Variants in FAM120B observed in about 807,000 individuals in gnomAD.
The protein encoded by FAM120B is family with sequence similarity 120 member B.
In FAM120B, 83 loss-of-function variants were observed where a neutral mutation model predicts 96.3. The ratio of observed to expected loss-of-function variants is 0.86; its 90% CI spans 0.72 to 1.03. The LOEUF is 1.03. Among genes scored for constraint, FAM120B ranks in the 50% least tolerant of loss-of-function variants. The pLI is 0.00. For synonymous variants in FAM120B, 407 were observed against 402.7 expected, an observed-to-expected ratio of 1.01 and a Z score of -0.13; for missense variants, 1,027 against 1,121.2, an observed-to-expected ratio of 0.92 and a Z score of 1.20.
chr6:170,355,654 T>C (rs75077255), intron 5 of FAM120B, among the ~76,000 whole-genome samples: 5 of 152,130 alleles, frequency 3.3e-5, no homozygotes, highest in African/African-American at 7.2e-5. Context: ...ATCTGTGCAG[T>C]AACCCATCAT....
chr6:170,361,182 C>CTATATATATATACATA (rs1554286307), intron 6 of FAM120B, among the ~76,000 whole-genome samples: 4 of 75,510 alleles, frequency 5.3e-5, no homozygotes, highest in South Asian at 4.8e-4. Context: ...AGCCTTAAAA[C>CTATATATATATACATA]TATATATATA....
upstream of FAM120B, among the ~76,000 whole-genome samples, chr6:170,303,947 A>G (rs1784197674): frequency 6.6e-6 from 1 of 152,232 alleles, no homozygotes; most frequent in South Asian, 2.1e-4. Flanking sequence ...CAGGCATTCC[A>G]TGTGATTCAC....
At chr6:170,383,898 A>G (rs1313144980) in intron 6 of FAM120B, among the ~76,000 whole-genome samples, 1 of 152,228 alleles carries the variant, frequency 6.6e-6, no homozygotes, top group African/African-American at 2.4e-5. Context: ...ACGAATGTTT[A>G]ACAGGCTGGT....
intron 4 of FAM120B, among the ~76,000 whole-genome samples, chr6:170,334,623 G>A (rs16901334): frequency 6.6e-6 from 1 of 151,850 alleles, no homozygotes; most frequent in East Asian, 1.9e-4. Flanking sequence ...CCTTGGTGAG[G>A]CTCTGCTCAT....
chr6:170,324,477 G>T (rs534578262), intron 3 of FAM120B, among the ~76,000 whole-genome samples: 2 of 152,084 alleles, frequency 1.3e-5, no homozygotes, highest in Non-Finnish European at 2.9e-5. Context: ...CTCTCTACCC[G>T]CATTCTTTCT....
At chr6:170,369,219 C>G (rs1789018347) in intron 6 of FAM120B, among the ~76,000 whole-genome samples, 2 of 151,652 alleles carry the variant, frequency 1.3e-5, no homozygotes, top group Non-Finnish European at 2.9e-5. Context: ...CTTTTATTCT[C>G]TCTTGTGCAC....
At chr6:170,325,568 C>T (rs1222317865) in intron 3 of FAM120B, among the ~76,000 whole-genome samples, 7 of 150,488 alleles carry the variant, frequency 4.7e-5, no homozygotes, top group South Asian at 2.1e-4. Context: ...TGGCCGGGCA[C>T]GGTAGCTCAC....
intron 5 of FAM120B, among the ~76,000 whole-genome samples, chr6:170,357,177 G>T (rs567757749): frequency 6.6e-6 from 1 of 152,146 alleles, no homozygotes; most frequent in African/African-American, 2.4e-5. Context: ...TTTACTTGCC[G>T]CAGAAGGTGC....
chr6:170,380,712 G>A (rs1173188612), intron 6 of FAM120B, among the ~76,000 whole-genome samples: 3 of 152,086 alleles, frequency 2.0e-5, no homozygotes, highest in Admixed American at 1.3e-4. Flanking sequence ...TTTTGCTGTC[G>A]AGTTGTGTGA....
chr6:170,385,982 C>G (rs1235770375), intron 6 of FAM120B, among the ~76,000 whole-genome samples: 1 of 152,144 alleles, frequency 6.6e-6, no homozygotes, highest in African/African-American at 2.4e-5. Flanking sequence ...GGGAGGGAGG[C>G]TGAGCAGGCA....
chr6:170,326,025 A>G (rs1785571308), intron 3 of FAM120B, among the ~76,000 whole-genome samples: 1 of 151,966 alleles, frequency 6.6e-6, no homozygotes, highest in African/African-American at 2.4e-5. Context: ...TCTCCCCAAC[A>G]TTTTTGCTAT....
At chr6:170,304,863 A>T (rs1784224191), upstream of FAM120B, among the ~76,000 whole-genome samples, 1 of 152,060 alleles carries the variant, frequency 6.6e-6, no homozygotes, top group Non-Finnish European at 1.5e-5. Flanking sequence ...CCTGTCTTAG[A>T]CTGTTCAGAC....
chr6:170,312,715 TTAAAATTC>T (rs1303596913), intron 1 of FAM120B, among the ~76,000 whole-genome samples: 1 of 129,896 alleles, frequency 7.7e-6, no homozygotes, highest in Non-Finnish European at 1.7e-5. Flanking sequence ...GGTGCCGATG[TTAAAATTC>T]TAACATTTGT....
chr6:170,310,002 C>T (rs886078801), intron 1 of FAM120B, among the ~76,000 whole-genome samples: 6 of 152,174 alleles, frequency 3.9e-5, no homozygotes, highest in African/African-American at 1.4e-4. Flanking sequence ...GTTTTTGCAT[C>T]TTTCCAGTTT....
chr6:170,382,807 G>A (rs533607747), intron 6 of FAM120B, among the ~76,000 whole-genome samples: 13 of 152,252 alleles, frequency 8.5e-5, no homozygotes, highest in African/African-American at 2.2e-4. Context: ...TCTAAAATTT[G>A]TATGGAAGGG....
chr6:170,348,262 T>C lies in FAM120B; in HGVS notation c.2129T>C (p.Leu710Pro), dbSNP rs1336099042. ...AATCTTTCCTCCTCAAGAGAAGAGC[T>C]GCAGGCTGTCGAAAGCCCATTTCAA... ...CFNLSSSREE[L>P]QAVESPFQAL... Residue 710 changes from leucine to proline, a missense_variant, in exon 5 of 11, where the codon CTG (leucine) becomes CCG (proline). Coordinates refer to ENST00000476287, the MANE Select transcript of FAM120B (RefSeq NM_032448.3). 6.2e-7 allele frequency: 1 copy of C among 1,614,036 alleles called. No individual in the cohort carries two copies. Among genetic ancestry groups the C allele is most frequent in the Non-Finnish European group, 8.5e-7 (1 of 1,179,962 alleles).
intron 6 of FAM120B, among the ~76,000 whole-genome samples, chr6:170,384,758 G>T (rs1008015727): frequency 1.3e-5 from 2 of 152,238 alleles, no homozygotes; most frequent in African/African-American, 2.4e-5. Context: ...GCCTGCTTTT[G>T]TGTGGGTCTG....
At chr6:170,328,783 T>G (rs1050476910) in intron 3 of FAM120B, among the ~76,000 whole-genome samples, 12 of 152,256 alleles carry the variant, frequency 7.9e-5, no homozygotes, top group Non-Finnish European at 4.4e-5. Flanking sequence ...ATAGTTTTGC[T>G]TATTCTCATG....
At chr6:170,335,813 A>T (rs1174216726) in intron 4 of FAM120B, among the ~76,000 whole-genome samples, 4 of 152,182 alleles carry the variant, frequency 2.6e-5, no homozygotes, top group Non-Finnish European at 5.9e-5. Flanking sequence ...AGTGATGATG[A>T]GCTTTTTTCT....
Sources: gnomAD v4.1 joint callset for allele counts (sites outside exome capture counted in the v4.1 genomes callset) on GRCh38, gnomAD v4.1.1 for gene constraint, MANE v1.5 for transcripts, NCBI Gene and HGNC (gene_info 2026-07-23, HGNC 2026-07-21) for gene names.